Variants in CEP128 observed in about 807,000 individuals in gnomAD.
CEP128 encodes centrosomal protein 128.
A neutral mutation model predicts 156.7 loss-of-function variants in CEP128; 132 were observed. The ratio of observed to expected loss-of-function variants is 0.84; its 90% confidence interval spans 0.73 to 0.97. CEP128 has a LOEUF of 0.97. Ranked by LOEUF, CEP128 falls within the 50% of genes least tolerant of loss-of-function variation. The probability of loss-of-function intolerance (pLI) is 0.00; values close to 1 mark genes in which losing one functional copy is unlikely to be tolerated. For missense variants in CEP128, 1,252 were observed against 1,281.9 expected, an observed-to-expected ratio of 0.98 and a Z score of 0.36; for synonymous variants, 469 against 448.9, an observed-to-expected ratio of 1.04 and a Z score of -0.57.
At chr14:80,501,736 C>G (rs1007457438) in intron 24 of CEP128, among the ~76,000 whole-genome samples, 34 of 152,020 alleles carry the variant, frequency 2.2e-4, no homozygotes, top group African/African-American at 8.2e-4. Context: ...GATCTCCAGA[C>G]CTCGCGATCC....
intron 8 of CEP128, among the ~76,000 whole-genome samples, chr14:80,871,154 A>G (rs925018860): frequency 3.7e-4 from 57 of 152,152 alleles, no homozygotes; most frequent in Non-Finnish European, 2.1e-4. Flanking sequence ...TAACGTAGGC[A>G]CTATAGACCA....
intron 19 of CEP128, among the ~76,000 whole-genome samples, chr14:80,634,939 G>T (rs967746070): frequency 2.0e-5 from 3 of 152,106 alleles, no homozygotes; most frequent in Admixed American, 6.6e-5. Flanking sequence ...CCCACTGCCT[G>T]GTTTATCAGT....
intron 13 of CEP128, among the ~76,000 whole-genome samples, chr14:80,829,456 G>T (rs570390456): frequency 6.6e-6 from 1 of 152,118 alleles, no homozygotes; most frequent in East Asian, 1.9e-4. Flanking sequence ...TGTTGCCTAG[G>T]CTGGAGTGCA....
chr14:80,940,376 A>T (rs1886077365), intron 1 of CEP128, among the ~76,000 whole-genome samples: 1 of 152,260 alleles, frequency 6.6e-6, no homozygotes, highest in African/African-American at 2.4e-5. Flanking sequence ...TGAAACTGCC[A>T]AAGTTTTAAC....
intron 14 of CEP128, among the ~76,000 whole-genome samples, chr14:80,481,745 T>G (rs922790282): frequency 1.3e-5 from 2 of 152,192 alleles, no homozygotes; most frequent in African/African-American, 4.8e-5. Flanking sequence ...CTAACACTAA[T>G]CCCCTTACAG....
chr14:80,833,416 C>T (rs1326544128), intron 12 of CEP128, among the ~76,000 whole-genome samples: 2 of 151,654 alleles, frequency 1.3e-5, no homozygotes, highest in Non-Finnish European at 2.9e-5. Context: ...TCTATACATA[C>T]ATACACATGT....
chr14:80,946,216 A>G (rs1004709016), upstream of CEP128, among the ~76,000 whole-genome samples: 1 of 152,098 alleles, frequency 6.6e-6, no homozygotes, highest in African/African-American at 2.4e-5. Flanking sequence ...TAGGCTGACA[A>G]ATACTATGAC....
At chr14:80,857,849 C>T (rs1019248109) in intron 9 of CEP128, among the ~76,000 whole-genome samples, 1 of 151,696 alleles carries the variant, frequency 6.6e-6, no homozygotes, top group Non-Finnish European at 1.5e-5. Context: ...TATAGTCATA[C>T]AACCCATTTA....
chr14:80,799,008 T>A (rs1039358336), intron 13 of CEP128, among the ~76,000 whole-genome samples: 4 of 152,186 alleles, frequency 2.6e-5, no homozygotes, highest in Admixed American at 6.5e-5. Context: ...TAGAAACTTG[T>A]AAGGGTAAGT....
intron 13 of CEP128, among the ~76,000 whole-genome samples, chr14:80,827,189 G>T (rs1810665008): frequency 6.6e-6 from 1 of 152,090 alleles, no homozygotes; most frequent in Admixed American, 6.5e-5. Flanking sequence ...TTCCAGAAAT[G>T]GATGTGCTTT....
chr14:80,929,684 A>G (rs1029414812), intron 2 of CEP128, among the ~76,000 whole-genome samples: 3 of 152,160 alleles, frequency 2.0e-5, no homozygotes, highest in African/African-American at 7.2e-5. Flanking sequence ...AAAGACATAC[A>G]GAGTGGTAGA....
At chr14:80,682,610 T>C (rs895739179) in intron 19 of CEP128, among the ~76,000 whole-genome samples, 2 of 152,130 alleles carry the variant, frequency 1.3e-5, no homozygotes, top group South Asian at 2.1e-4. Flanking sequence ...AAAGATACTA[T>C]ACAAAATGAA....
At chr14:80,886,443 C>G (rs1289190174) in intron 8 of CEP128, among the ~76,000 whole-genome samples, 1 of 152,172 alleles carries the variant, frequency 6.6e-6, no homozygotes, top group Non-Finnish European at 1.5e-5. Flanking sequence ...AGCAGAAACC[C>G]TACAAGCCAA....
At chr14:80,520,942 C>T (rs1888714741) in intron 23 of CEP128, among the ~76,000 whole-genome samples, 1 of 151,748 alleles carries the variant, frequency 6.6e-6, no homozygotes, top group Non-Finnish European at 1.5e-5. Context: ...CCTGCCTCAG[C>T]CACCCAAGTA....
chr14:80,614,231 T>C (rs1395564528), intron 19 of CEP128, among the ~76,000 whole-genome samples: 1 of 152,216 alleles, frequency 6.6e-6, no homozygotes, highest in African/African-American at 2.4e-5. Context: ...TTACAGCTCA[T>C]TTTGTTTCAC....
intron 2 of CEP128, among the ~76,000 whole-genome samples, chr14:80,947,537 C>A (rs186951208): frequency 1.1e-3 from 174 of 152,280 alleles, no homozygotes; most frequent in African/African-American, 4.0e-3. Flanking sequence ...AACAACACAG[C>A]ATTAAACTAA....
intron 19 of CEP128, 43 bp from the exon 20 acceptor site, chr14:80,580,466 A>AATGAGTT (rs1555377007): frequency 1.4e-5 from 17 of 1,181,058 alleles, no homozygotes; most frequent in Non-Finnish European, 2.0e-5. Flanking sequence ...ACAATGTAAA[A>AATGAGTT]ACGAGTTGCC....
intron 2 of CEP128, among the ~76,000 whole-genome samples, chr14:80,921,836 G>A (rs539304694): frequency 2.6e-5 from 4 of 151,760 alleles, no homozygotes; most frequent in African/African-American, 7.3e-5. Flanking sequence ...GGCGGCGTGC[G>A]CCTGTAATCC....
At chr14:80,831,394 CAT>C in intron 12 of CEP128, 100 bp from the exon 13 acceptor site, 1 of 1,258,754 alleles carries the variant, frequency 7.9e-7, no homozygotes. Flanking sequence ...TTCTAGCTAT[CAT>C]AATCCATTTA....
Sources: gnomAD v4.1 joint callset for allele counts (sites outside exome capture counted in the v4.1 genomes callset) on GRCh38, gnomAD v4.1.1 for gene constraint, MANE v1.5 for transcripts, NCBI Gene and HGNC (gene_info 2026-07-23, HGNC 2026-07-21) for gene names.